Variants in TACR3 observed in about 807,000 individuals in gnomAD.
TACR3 encodes the protein neuromedin-K receptor.
In TACR3, 34 loss-of-function variants were observed where a neutral mutation model predicts 35.0. The ratio of observed to expected loss-of-function variants is 0.97; its 90% CI spans 0.74 to 1.30. The LOEUF is 1.30. Among genes scored for constraint, TACR3 ranks in the 50% most tolerant of loss-of-function variants. TACR3 has a pLI of 0.00. For synonymous variants in TACR3, 233 were observed against 221.1 expected (o/e 1.05, Z -0.48); for missense variants, 558 against 591.7 (o/e 0.94, Z 0.59).
chr4:103,628,923 TC>T (rs1724979232), intron 3 of TACR3, among the ~76,000 whole-genome samples: 1 of 152,080 alleles, frequency 6.6e-6, no homozygotes, highest in Admixed American at 6.6e-5. Flanking sequence ...CAGCAGCACA[TC>T]AAAAAGCTTA....
rs577759957 is a variant in TACR3, at chr4:103,698,969, C to T, written c.548+20159G>A. On this transcript the variant is annotated intron_variant, in intron 1 of 4. Transcript: ENST00000304883. ...ATTAAAAATTAAAAATAAACAAAAA[C>T]ACTTTTGCAACTTCTGTTTTTCTGT... Among the ~76,000 whole-genome samples the T allele has an allele frequency of 2.4e-4, 36 of 152,148 alleles. 2 individuals are homozygous for T. The South Asian group carries it at 7.5e-3, about 32-fold the overall frequency.
chr4:103,685,205 T>A (rs1722202805), intron 1 of TACR3, among the ~76,000 whole-genome samples: 1 of 151,982 alleles, frequency 6.6e-6, no homozygotes, highest in Non-Finnish European at 1.5e-5. Flanking sequence ...TAGAAACAGA[T>A]GTACATAAAC....
At chr4:103,647,981 A>G (rs1049816189) in intron 3 of TACR3, among the ~76,000 whole-genome samples, 1 of 152,050 alleles carries the variant, frequency 6.6e-6, no homozygotes, top group Non-Finnish European at 1.5e-5. Flanking sequence ...TTCAAAGAAT[A>G]TAATTCACAA....
intron 3 of TACR3, among the ~76,000 whole-genome samples, chr4:103,601,484 T>A (rs1048285217): frequency 2.6e-5 from 4 of 152,204 alleles, no homozygotes; most frequent in Non-Finnish European, 5.9e-5. Flanking sequence ...CTAGCCTTGA[T>A]GGTCTTTGCA....
intron 1 of TACR3, among the ~76,000 whole-genome samples, chr4:103,696,747 T>A (rs574498329): frequency 6.6e-6 from 1 of 152,294 alleles, no homozygotes; most frequent in African/African-American, 2.4e-5. Flanking sequence ...AGGCTGCGAA[T>A]CTAGAATCTG....
chr4:103,617,256 T>TTATA (rs1724680145), intron 3 of TACR3, among the ~76,000 whole-genome samples: 1 of 143,954 alleles, frequency 6.9e-6, no homozygotes, highest in African/African-American at 2.5e-5. Flanking sequence ...AAGTTAGTTA[T>TTATA]AATGAGTTAA....
intron 3 of TACR3, among the ~76,000 whole-genome samples, chr4:103,637,677 A>T (rs1456527278): frequency 6.6e-6 from 1 of 152,186 alleles, no homozygotes; most frequent in Non-Finnish European, 1.5e-5. Flanking sequence ...CATGAATTGT[A>T]TATCTAGAAA....
At chr4:103,640,095 A>T (rs1256805464) in intron 3 of TACR3, among the ~76,000 whole-genome samples, 1 of 152,004 alleles carries the variant, frequency 6.6e-6, no homozygotes, top group Admixed American at 6.6e-5. Flanking sequence ...TCATCAAAAC[A>T]TTGCAAGAAA....
chr4:103,631,819 G>A (rs1307744320), intron 3 of TACR3, among the ~76,000 whole-genome samples: 2 of 152,136 alleles, frequency 1.3e-5, no homozygotes, highest in South Asian at 4.1e-4. Flanking sequence ...AGAAGACAAT[G>A]GTGAGTAAAG....
At chr4:103,598,395 C>T (rs1158060738) in intron 3 of TACR3, among the ~76,000 whole-genome samples, 1 of 152,174 alleles carries the variant, frequency 6.6e-6, no homozygotes, top group East Asian at 1.9e-4. Context: ...TTCTCCCATT[C>T]TGTAGGTTGC....
At chr4:103,670,596 T>C (rs1445779730) in intron 1 of TACR3, among the ~76,000 whole-genome samples, 1 of 152,050 alleles carries the variant, frequency 6.6e-6, no homozygotes, top group African/African-American at 2.4e-5. Flanking sequence ...GATTGCTCTC[T>C]TGATTTCCTT....
At position 103,719,473 on chromosome 4, in the gene TACR3, G is replaced by A; in HGVS notation, c.203C>T (p.Ser68Phe). ...GTTGGTGAGGTTGGCCCAGGGCTGGGAGGGCGCGGGGGAAGCCACAGGCAG... is the reference window on the plus strand; with the variant it reads ...GTTGGTGAGGTTGGCCCAGGGCTGGAAGGGCGCGGGGGAAGCCACAGGCAG... ...LGLPVASPAP[S>F]QPWANLTNQF... The change falls in exon 1 of 5, where the codon TCC (serine) becomes TTC (phenylalanine). Residue 68 changes from serine to phenylalanine, a missense_variant. Physicochemically the swap from Ser to Phe is radical, Grantham distance 155 (BLOSUM62 -2). Coordinates refer to ENST00000304883, the MANE Select transcript of TACR3 (RefSeq NM_001059.3). 2.5e-6 allele frequency: 4 copies of A among 1,613,602 alleles called. No homozygotes were observed. The highest frequency in any genetic ancestry group is 3.4e-6 in the Non-Finnish European group (4 of 1,179,506).
chr4:103,636,586 T>C (rs1725196984), intron 3 of TACR3, among the ~76,000 whole-genome samples: 1 of 151,932 alleles, frequency 6.6e-6, no homozygotes, highest in Non-Finnish European at 1.5e-5. Flanking sequence ...ATAACTAAGA[T>C]CAGAGCAGAA....
intron 3 of TACR3, among the ~76,000 whole-genome samples, chr4:103,601,810 C>T (rs1011075136): frequency 9.2e-5 from 14 of 152,170 alleles, no homozygotes; most frequent in South Asian, 2.1e-4. Flanking sequence ...TCTCTGGCTG[C>T]GCTTAACATT....
chr4:103,676,339 C>G (rs1578253172), intron 1 of TACR3, among the ~76,000 whole-genome samples: 1 of 152,068 alleles, frequency 6.6e-6, no homozygotes, highest in Non-Finnish European at 1.5e-5. Flanking sequence ...AAACATAACA[C>G]TATCATAACG....
intron 3 of TACR3, among the ~76,000 whole-genome samples, chr4:103,637,603 A>G (rs978931752): frequency 6.6e-6 from 1 of 152,174 alleles, no homozygotes; most frequent in African/African-American, 2.4e-5. Flanking sequence ...ATCAGGCAGG[A>G]GAAGGAAATA....
intron 3 of TACR3, among the ~76,000 whole-genome samples, chr4:103,653,504 C>T (rs1203087392): frequency 6.6e-6 from 1 of 151,868 alleles, no homozygotes; most frequent in Non-Finnish European, 1.5e-5. Context: ...AAAAAAAAAG[C>T]TGAAACTGGA....
chr4:103,658,745 T>A (rs1221364711), intron 1 of TACR3, among the ~76,000 whole-genome samples: 1 of 152,036 alleles, frequency 6.6e-6, no homozygotes, highest in Non-Finnish European at 1.5e-5. Context: ...GCACCAAGGA[T>A]CGGTTTTATG....
At chr4:103,704,578 T>C (rs1466211367) in intron 1 of TACR3, among the ~76,000 whole-genome samples, 1 of 152,178 alleles carries the variant, frequency 6.6e-6, no homozygotes, top group Non-Finnish European at 1.5e-5. Flanking sequence ...AACTGTTTTA[T>C]AAAATCATCA....
Sources: gnomAD v4.1 joint callset for allele counts (sites outside exome capture counted in the v4.1 genomes callset) on GRCh38, gnomAD v4.1.1 for gene constraint, MANE v1.5 for transcripts, NCBI Gene and HGNC (gene_info 2026-07-23, HGNC 2026-07-21) for gene names.